JCAD: variants seen among roughly 807,000 people sequenced by gnomAD.
The protein encoded by JCAD is junctional cadherin 5 associated.
In JCAD, 40 loss-of-function variants were observed where a neutral mutation model predicts 98.0. The observed-to-expected ratio is 0.41, with a 90% confidence interval of 0.32 to 0.53. The LOEUF (loss-of-function observed/expected upper bound fraction) is 0.53, where lower values mean the gene tolerates loss of function less well. Among genes scored for constraint, JCAD ranks in the 20% least tolerant of loss-of-function variants. The pLI is 0.31. For synonymous variants in JCAD, 691 were observed against 682.3 expected (o/e 1.01, Z -0.20); for missense variants, 1,705 against 1,738.1 (o/e 0.98, Z 0.34).
At chr10:30,081,947 T>C (rs972838750) in intron 1 of JCAD, among the ~76,000 whole-genome samples, 1 of 152,182 alleles carries the variant, frequency 6.6e-6, no homozygotes, top group African/African-American at 2.4e-5. Context: ...TAAGAACCTC[T>C]TTTAGTGTTT....
At chr10:30,054,259 G>A (rs1837524459) in intron 1 of JCAD, among the ~76,000 whole-genome samples, 1 of 152,122 alleles carries the variant, frequency 6.6e-6, no homozygotes, top group Non-Finnish European at 1.5e-5. Flanking sequence ...AAAAAACACT[G>A]AAAGGAAACA....
chr10:30,067,862 T>C (rs1837812666), intron 2 of JCAD, among the ~76,000 whole-genome samples: 2 of 152,224 alleles, frequency 1.3e-5, no homozygotes, highest in South Asian at 2.1e-4. Flanking sequence ...TGTAGCCTAC[T>C]GCATACCTAG....
intron 2 of JCAD, among the ~76,000 whole-genome samples, chr10:30,045,028 G>A (rs753160471): frequency 4.6e-5 from 7 of 152,082 alleles, no homozygotes; most frequent in Admixed American, 2.0e-4. Flanking sequence ...CAGATCTGTC[G>A]AGAACTCTGT....
At chr10:30,024,610 A>C (rs1219655513) in intron 3 of JCAD, among the ~76,000 whole-genome samples, 1 of 152,130 alleles carries the variant, frequency 6.6e-6, no homozygotes, top group Non-Finnish European at 1.5e-5. Context: ...GTTTTGCATA[A>C]GGAGCAGAGA....
intron 2 of JCAD, among the ~76,000 whole-genome samples, chr10:30,064,947 G>A (rs1837759512): frequency 6.6e-6 from 1 of 152,258 alleles, no homozygotes; most frequent in African/African-American, 2.4e-5. Flanking sequence ...TGGGATTACA[G>A]GCGTGAGCCA....
chr10:30,017,830 G>T lies in JCAD; in HGVS notation c.*53C>A, dbSNP rs1052636122. On this transcript the variant is annotated 3_prime_UTR_variant, in exon 4 of 4. Coordinates refer to ENST00000375377, the MANE Select transcript of JCAD (RefSeq NM_020848.4). ...TGGGGCTGATAGACTAAATCTACCA[G>T]CTACTTGAGAATACTCAATTCGCAA... The T allele has an allele frequency of 2.6e-6, 4 of 1,529,054 alleles. No homozygotes were observed. Among genetic ancestry groups the T allele is most frequent in the African/African-American group, 1.4e-5 (1 of 73,674 alleles). 94.7% of individuals were successfully genotyped at this position (1,529,054 alleles called of 1,614,324 possible). A position where few individuals can be genotyped will look rare whatever the true frequency, so the allele number is the denominator to read the frequency against.
chr10:30,042,469 C>G (rs552151536), intron 2 of JCAD, among the ~76,000 whole-genome samples: 3 of 152,156 alleles, frequency 2.0e-5, no homozygotes, highest in Non-Finnish European at 4.4e-5. Flanking sequence ...GGGCAGTTGA[C>G]AGCAGTGGGT....
intron 1 of JCAD, among the ~76,000 whole-genome samples, chr10:30,084,941 G>A (rs1838144584): frequency 6.6e-6 from 1 of 151,912 alleles, no homozygotes; most frequent in Non-Finnish European, 1.5e-5. Flanking sequence ...GCAATTATTT[G>A]CACTCTGGAA....
chr10:30,079,184 T>C (rs1046126072), intron 1 of JCAD, among the ~76,000 whole-genome samples: 2 of 151,738 alleles, frequency 1.3e-5, no homozygotes, highest in Admixed American at 6.6e-5. Context: ...CCGTCCCTAC[T>C]AAAAATACAA....
At chr10:30,024,512 T>C (rs185963378) in intron 3 of JCAD, among the ~76,000 whole-genome samples, 1 of 152,150 alleles carries the variant, frequency 6.6e-6, no homozygotes, top group East Asian at 1.9e-4. Flanking sequence ...AGCCTTCACA[T>C]TCTCAGTATT....
intron 1 of JCAD, among the ~76,000 whole-genome samples, chr10:30,082,337 T>C (rs370089437): frequency 4.9e-4 from 74 of 152,278 alleles, no homozygotes; most frequent in African/African-American, 1.7e-3. Context: ...GGGAAAACTA[T>C]GACAACTCAC....
In JCAD at chr10:30,029,314, A is replaced by G; in HGVS notation, c.834T>C (p.Ser278=). The G allele has an allele frequency of 6.2e-7, 1 of 1,613,824 alleles. No homozygotes were observed. Among genetic ancestry groups the G allele is most frequent in the Non-Finnish European group, 8.5e-7 (1 of 1,179,978 alleles). ...NLDSTRNSEK[S]GCSAPFPRPK... is the part of the protein sequence containing the mutation. ...GCCGGGGAAATGGGGCTGAGCAGCC[A>G]CTCTTCTCAGAATTCCTCGTGGAGT... Residue 278 remains serine (S), a synonymous_variant, in exon 3 of 4, where the codon AGT becomes AGC. Coordinates refer to ENST00000375377, the MANE Select transcript of JCAD (RefSeq NM_020848.4).
chr10:30,065,452 C>A (rs1539300), intron 2 of JCAD, among the ~76,000 whole-genome samples: 132,256 of 152,190 alleles, frequency 0.87, 58,003 homozygotes, highest in African/African-American at 0.96. Context: ...GTGCTAATAA[C>A]ACTTGTTTTT....
At chr10:30,043,442 C>T (rs1837279565) in intron 2 of JCAD, among the ~76,000 whole-genome samples, 1 of 152,128 alleles carries the variant, frequency 6.6e-6, no homozygotes, top group Non-Finnish European at 1.5e-5. Context: ...CCATTCTCAC[C>T]AGACAATGCT....
intron 1 of JCAD, among the ~76,000 whole-genome samples, chr10:30,105,196 G>C (rs1035779262): frequency 2.0e-5 from 3 of 152,096 alleles, no homozygotes; most frequent in African/African-American, 7.2e-5. Flanking sequence ...GTATGCATGA[G>C]AGAGGTGAAA....
rs888416568 is a variant in JCAD at position 30,027,096 on chromosome 10, C to G, written c.3052G>C (p.Val1018Leu). Reference protein sequence around the residue: ...AFSSVKPSEAVPRKFDSGGER... With the variant: ...AFSSVKPSEALPRKFDSGGER... ...CCACCACTGTCAAACTTCCGAGGGA[C>G]CGCTTCACTTGGTTTCACAGAGCTG... Residue 1018 changes from valine to leucine, a missense_variant, in exon 3 of 4, where the codon GTC becomes CTC. Physicochemically the swap from Val to Leu is conservative, Grantham distance 32. This residue lies in a region of JCAD where 1,278 missense variants were observed against 1,243.1 expected (regional missense o/e 1.03). Coordinates refer to ENST00000375377, the MANE Select transcript of JCAD (RefSeq NM_020848.4). 16 of 1,614,096 alleles carry G rather than the reference C, an allele frequency of 9.9e-6. No homozygotes were observed. Among genetic ancestry groups the G allele is most frequent in the African/African-American group, 1.3e-5 (1 of 74,940 alleles).
intron 2 of JCAD, among the ~76,000 whole-genome samples, chr10:30,037,468 G>A (rs1354856343): frequency 6.6e-6 from 1 of 152,180 alleles, no homozygotes; most frequent in Non-Finnish European, 1.5e-5. Context: ...AGAATTGTAG[G>A]TTGCGCTGGC....
In JCAD at chr10:30,028,902, C is replaced by T; in HGVS notation, c.1246G>A (p.Ala416Thr). 1 of 1,614,206 alleles carries T rather than the reference C, an allele frequency of 6.2e-7. No homozygotes were observed. The highest frequency in any genetic ancestry group is 8.5e-7 in the Non-Finnish European group (1 of 1,180,038). The change falls in exon 3 of 4, where the codon GCC becomes ACC. Residue 416 changes from alanine (A) to threonine (T), a missense_variant. Physicochemically the swap from Ala to Thr is moderately conservative, Grantham distance 58 (BLOSUM62 0). Transcript: ENST00000375377. Reference protein sequence around the residue: ...GLPAHPRPVTAYDGFVQYIPF... With the variant: ...GLPAHPRPVTTYDGFVQYIPF... ...ATGTACTGAACGAAGCCGTCATAGG[C>T]AGTGACAGGTCGGGGATGTGCGGGG... is the stretch of plus-strand genomic sequence containing the variant.
chr10:30,019,059 A>T (rs1836599010), intron 3 of JCAD, among the ~76,000 whole-genome samples: 2 of 152,176 alleles, frequency 1.3e-5, no homozygotes, highest in African/African-American at 4.8e-5. Context: ...GGATGTATGG[A>T]TAAAGAAATT....
Sources: allele counts gnomAD v4.1 joint callset (sites outside exome capture counted in the v4.1 genomes callset), GRCh38; gene constraint gnomAD v4.1.1; regional missense constraint gnomAD v4.1.1; transcripts MANE v1.5; gene names NCBI Gene and HGNC (gene_info 2026-07-23, HGNC 2026-07-21).